The following GNG12 variants were observed in gnomAD, a reference collection of about 807,000 sequenced individuals.
The protein encoded by GNG12 is G protein subunit gamma 12.
For synonymous variants in GNG12, 28 were observed against 29.7 expected (o/e 0.94, Z 0.19); for missense variants, 69 against 83.8 (o/e 0.82, Z 0.69).
chr1:67,725,031 C>T lies in GNG12; in HGVS notation c.-26-17319G>A, dbSNP rs571871426. On this transcript the variant is annotated intron_variant, in intron 2 of 3. Coordinates refer to ENST00000370982, the MANE Select transcript of GNG12 (RefSeq NM_018841.6). ...TTTCCTTCTTTAGATCATGATCTAA[C>T]AAGTATGTCCAATGTCCACAGCACA... Among the ~76,000 whole-genome samples, 3 of 152,206 alleles carry T rather than the reference C, an allele frequency of 2.0e-5. No homozygotes were observed. The East Asian group carries it at 5.8e-4, about 29-fold the overall frequency.
chr1:67,741,622 A>G (rs890504753), intron 2 of GNG12, among the ~76,000 whole-genome samples: 2 of 152,204 alleles, frequency 1.3e-5, no homozygotes, highest in African/African-American at 2.4e-5. Flanking sequence ...CTTTGAGTCT[A>G]TAACAATTAA....
intron 1 of GNG12, among the ~76,000 whole-genome samples, chr1:67,798,979 T>C (rs1646848424): frequency 6.6e-6 from 1 of 151,908 alleles, no homozygotes; most frequent in African/African-American, 2.4e-5. Context: ...AATAAATAAA[T>C]AAATAAATAG....
chr1:67,796,861 C>A (rs1296970859), intron 1 of GNG12, among the ~76,000 whole-genome samples: 4 of 152,156 alleles, frequency 2.6e-5, no homozygotes, highest in African/African-American at 7.2e-5. Context: ...GTGCTGGCAT[C>A]TGCTTCTGGT....
intron 1 of GNG12, among the ~76,000 whole-genome samples, chr1:67,817,690 G>T (rs1387274323): frequency 6.6e-6 from 1 of 152,108 alleles, no homozygotes; most frequent in East Asian, 1.9e-4. Context: ...GGTCCTTAGG[G>T]AAGAAAGGGA....
intron 1 of GNG12, among the ~76,000 whole-genome samples, chr1:67,810,123 G>C (rs72924736): frequency 0.041 from 6,254 of 152,194 alleles, 243 homozygotes; most frequent in African/African-American, 0.1. Context: ...AAAAGACACA[G>C]AGGAAACTTA....
intron 2 of GNG12, among the ~76,000 whole-genome samples, chr1:67,712,912 A>C (rs1646304385): frequency 6.6e-6 from 1 of 151,150 alleles, no homozygotes; most frequent in Non-Finnish European, 1.5e-5. Flanking sequence ...TATTTTTAGT[A>C]GAGATAGGGT....
At chr1:67,726,804 T>C (rs1275665417) in intron 2 of GNG12, among the ~76,000 whole-genome samples, 2 of 152,186 alleles carry the variant, frequency 1.3e-5, no homozygotes, top group East Asian at 3.8e-4. Context: ...AGTACATTAC[T>C]AGTGCATGTG....
At chr1:67,831,439 G>C (rs1182586302) in intron 1 of GNG12, among the ~76,000 whole-genome samples, 1 of 152,086 alleles carries the variant, frequency 6.6e-6, no homozygotes, top group East Asian at 1.9e-4. Context: ...TCAGGCTCTT[G>C]TGAAACACAG....
chr1:67,716,756 C>A (rs1353096393), intron 2 of GNG12, among the ~76,000 whole-genome samples: 2 of 152,192 alleles, frequency 1.3e-5, no homozygotes, highest in Non-Finnish European at 2.9e-5. Flanking sequence ...GTTATTCAGA[C>A]AGGTTATCCC....
intron 2 of GNG12, among the ~76,000 whole-genome samples, chr1:67,748,408 A>T (rs1391818782): frequency 1.3e-5 from 2 of 150,886 alleles, no homozygotes; most frequent in Non-Finnish European, 3.0e-5. Flanking sequence ...CATGCTTTAT[A>T]AAAAAATAAC....
At chr1:67,798,187 C>T (rs548116189) in intron 1 of GNG12, among the ~76,000 whole-genome samples, 16 of 152,246 alleles carry the variant, frequency 1.1e-4, no homozygotes, top group African/African-American at 3.4e-4. Flanking sequence ...ATGAGGTGAG[C>T]GGCAGGAAGC....
At chr1:67,732,916 T>C (rs1277303780) in intron 2 of GNG12, among the ~76,000 whole-genome samples, 3 of 152,174 alleles carry the variant, frequency 2.0e-5, no homozygotes, top group African/African-American at 7.2e-5. Context: ...GCCTGAGTGA[T>C]TAAGCGCTTT....
intron 2 of GNG12, among the ~76,000 whole-genome samples, chr1:67,720,486 C>T (rs1346604435): frequency 6.6e-6 from 1 of 152,174 alleles, no homozygotes; most frequent in East Asian, 1.9e-4. Context: ...GCATGGCTGG[C>T]TTAGGAGAGC....
In GNG12 at chr1:67,804,265, C is replaced by T. The variant is rs1646882514; in HGVS notation, c.-76-26758G>A. On this transcript the variant is annotated intron_variant, in intron 1 of 3. Coordinates refer to ENST00000370982, the MANE Select transcript of GNG12 (RefSeq NM_018841.6). ...AATTAATATTATGCCTTCTTACTTCCCACTGACCCTAGACTTAGAAAAGGC... is the reference window on the plus strand; with the variant it reads ...AATTAATATTATGCCTTCTTACTTCTCACTGACCCTAGACTTAGAAAAGGC... 3.9e-5 allele frequency among the ~76,000 whole-genome samples: 6 copies of T among 152,272 alleles called. 1 individual carries two copies. Among genetic ancestry groups the T allele is most frequent in the Admixed American group, 3.9e-4 (6 of 15,292 alleles).
chr1:67,772,678 C>T (rs1646681757), intron 2 of GNG12: 1 of 152,182 alleles, frequency 6.6e-6, no homozygotes, highest in Non-Finnish European at 1.5e-5. Context: ...ATGGGGAACC[C>T]GTTCTGTGTA....
At position 67,802,096 on chromosome 1, in the gene GNG12, G is replaced by A. The variant is rs146662328; in HGVS notation, c.-76-24589C>T. Among the ~76,000 whole-genome samples, 316 of 152,256 alleles carry A rather than the reference G, an allele frequency of 2.1e-3. 1 individual carries two copies. Among genetic ancestry groups the A allele is most frequent in the African/African-American group, 7.2e-3 (299 of 41,560 alleles). ...AGCCCTGCTTGTGGTTTCTTGACCA[G>A]AGAATGAGAAAAAGGCATTAGATCA... On this transcript the variant is annotated intron_variant, in intron 1 of 3. Coordinates refer to ENST00000370982, the MANE Select transcript of GNG12 (RefSeq NM_018841.6).
intron 2 of GNG12, among the ~76,000 whole-genome samples, chr1:67,719,340 T>C (rs994858696): frequency 2.0e-5 from 3 of 152,242 alleles, no homozygotes; most frequent in African/African-American, 7.2e-5. Flanking sequence ...GAATTCCTGC[T>C]ACATGCTTAC....
chr1:67,778,226 GAAT>G (rs1211873640), intron 1 of GNG12, among the ~76,000 whole-genome samples: 3 of 151,776 alleles, frequency 2.0e-5, no homozygotes, highest in Non-Finnish European at 4.4e-5. Flanking sequence ...AATTTATCTA[GAAT>G]ATTATTAACA....
In GNG12 at chr1:67,776,704, G is replaced by A. The variant is rs78510111; in HGVS notation, c.-27+754C>T. Among the ~76,000 whole-genome samples the A allele has an allele frequency of 1.5e-3, 232 of 152,178 alleles. 1 individual carries two copies. Among genetic ancestry groups the A allele is most frequent in the African/African-American group, 5.2e-3 (218 of 41,550 alleles). ...ATACATGAATAGTCCCAGGTGAAAG[G>A]AGAAGGATCACGTAGCTGAGCCTAG... On this transcript the variant is annotated intron_variant, in intron 2 of 3. Coordinates refer to ENST00000370982, the MANE Select transcript of GNG12 (RefSeq NM_018841.6).
Sources: gnomAD v4.1 joint callset for allele counts (sites outside exome capture counted in the v4.1 genomes callset) on GRCh38, gnomAD v4.1.1 for gene constraint, MANE v1.5 for transcripts, NCBI Gene and HGNC (gene_info 2026-07-23, HGNC 2026-07-21) for gene names.